Variants in LINGO2 observed in about 807,000 individuals in gnomAD.
LINGO2 encodes the protein leucine rich repeat and Ig domain containing 2.
In LINGO2, 14 loss-of-function variants were observed where a neutral mutation model predicts 30.6. That is an observed-to-expected ratio of 0.46 (90% confidence interval 0.30 to 0.72). The LOEUF is 0.72. Among genes scored for constraint, LINGO2 ranks in the 30% least tolerant of loss-of-function variants. The pLI is 0.07. For synonymous variants in LINGO2, 317 were observed against 288.5 expected, an observed-to-expected ratio of 1.10 and a Z score of -1.00; for missense variants, 729 against 751.7, an observed-to-expected ratio of 0.97 and a Z score of 0.35.
At chr9:28,561,791 C>A (rs1314289581) in intron 1 of LINGO2, among the ~76,000 whole-genome samples, 48 of 91,628 alleles carry the variant, frequency 5.2e-4, no homozygotes, top group South Asian at 2.0e-3. Context: ...AAAAAATATG[C>A]TACTAGAACT....
intron 1 of LINGO2, among the ~76,000 whole-genome samples, chr9:28,633,276 T>G (rs1214162136): frequency 1.3e-5 from 2 of 151,998 alleles, no homozygotes; most frequent in Non-Finnish European, 2.9e-5. Context: ...CTCAATTCAG[T>G]CAAGTTGACA....
At chr9:28,492,838 C>CAAA (rs1160144858) in intron 1 of LINGO2, among the ~76,000 whole-genome samples, 1 of 151,580 alleles carries the variant, frequency 6.6e-6, no homozygotes, top group East Asian at 2.0e-4. Context: ...AGAAAAACAA[C>CAAA]AACAACAACA....
At chr9:28,770,412 T>C in the LINGO2 span, among the ~76,000 whole-genome samples, 1 of 152,182 alleles carries the variant, frequency 6.6e-6, no homozygotes, top group Non-Finnish European at 1.5e-5. Flanking sequence ...CGCATAGGTC[T>C]TGTGGTTTCT....
At chr9:28,248,356 A>C (rs1159943808) in intron 4 of LINGO2, among the ~76,000 whole-genome samples, 1 of 152,204 alleles carries the variant, frequency 6.6e-6, no homozygotes, top group East Asian at 1.9e-4. Context: ...AGCCAGACAC[A>C]GAAAGAGAAA....
chr9:28,240,134 C>T (rs1821728993), intron 4 of LINGO2, among the ~76,000 whole-genome samples: 1 of 151,998 alleles, frequency 6.6e-6, no homozygotes, highest in South Asian at 2.1e-4. Context: ...GAAGAGGGCA[C>T]CCCAAAGTGG....
chr9:29,076,089 G>A, the LINGO2 span, among the ~76,000 whole-genome samples: 10 of 151,596 alleles, frequency 6.6e-5, no homozygotes, highest in African/African-American at 2.2e-4. Flanking sequence ...TGTTGCCCAG[G>A]ATGGTCTCAA....
intron 2 of LINGO2, among the ~76,000 whole-genome samples, chr9:28,400,126 T>C (rs1004782674): frequency 1.3e-5 from 2 of 152,192 alleles, no homozygotes; most frequent in Non-Finnish European, 2.9e-5. Context: ...AGAGTGACTC[T>C]ATTGTGACCC....
chr9:28,467,653 C>T (rs1042448276), intron 2 of LINGO2, among the ~76,000 whole-genome samples: 1 of 151,880 alleles, frequency 6.6e-6, no homozygotes, highest in Admixed American at 6.6e-5. Context: ...ATTTTTATTA[C>T]ATATTATTAT....
chr9:28,595,855 T>C (rs1033110277), intron 1 of LINGO2, among the ~76,000 whole-genome samples: 21 of 152,106 alleles, frequency 1.4e-4, no homozygotes, highest in African/African-American at 2.2e-4. Flanking sequence ...CAGATAATAA[T>C]AGCTGATGAT....
the LINGO2 span, among the ~76,000 whole-genome samples, chr9:29,184,319 A>T: frequency 0.05 from 7,574 of 152,210 alleles, 244 homozygotes; most frequent in Admixed American, 0.082. Context: ...AAAAAAAAAA[A>T]ACTTCATATT....
the LINGO2 span, among the ~76,000 whole-genome samples, chr9:29,121,226 C>T: frequency 5.9e-5 from 9 of 152,112 alleles, no homozygotes; most frequent in East Asian, 1.7e-3. Context: ...TACAGTAAGT[C>T]AAACTGTGTG....
chr9:28,870,654 T>A, the LINGO2 span, among the ~76,000 whole-genome samples: 1 of 152,094 alleles, frequency 6.6e-6, no homozygotes, highest in Non-Finnish European at 1.5e-5. Context: ...GAGAAAATAT[T>A]TGCAGCTTAT....
chr9:29,018,564 T>C, the LINGO2 span, among the ~76,000 whole-genome samples: 1 of 152,112 alleles, frequency 6.6e-6, no homozygotes, highest in Non-Finnish European at 1.5e-5. Context: ...CTCTAGAAAA[T>C]AGTCATTATC....
the LINGO2 span, among the ~76,000 whole-genome samples, chr9:29,066,440 G>T: frequency 6.6e-6 from 1 of 151,890 alleles, no homozygotes; most frequent in African/African-American, 2.4e-5. Flanking sequence ...TGCCAAGTGG[G>T]TTATATAAAG....
intron 1 of LINGO2, among the ~76,000 whole-genome samples, chr9:28,534,676 A>G (rs984214015): frequency 3.3e-5 from 5 of 152,168 alleles, no homozygotes; most frequent in African/African-American, 4.8e-5. Flanking sequence ...ATACTGAAAC[A>G]TTAGCAAACT....
chr9:29,156,484 C>T, the LINGO2 span, among the ~76,000 whole-genome samples: 2 of 151,958 alleles, frequency 1.3e-5, no homozygotes, highest in Non-Finnish European at 2.9e-5. Context: ...GGTTTCTTAC[C>T]TATTCCTAAA....
At chr9:28,223,365 A>G (rs544176397) in intron 4 of LINGO2, among the ~76,000 whole-genome samples, 1 of 152,294 alleles carries the variant, frequency 6.6e-6, no homozygotes, top group East Asian at 1.9e-4. Context: ...CATAAGGGCA[A>G]GAGAACCAAA....
chr9:28,529,554 A>G (rs1311008491), intron 1 of LINGO2, among the ~76,000 whole-genome samples: 1 of 152,046 alleles, frequency 6.6e-6, no homozygotes, highest in Non-Finnish European at 1.5e-5. Flanking sequence ...TTAAAGCCCT[A>G]ACTAAACTAT....
intron 1 of LINGO2, among the ~76,000 whole-genome samples, chr9:28,486,396 T>A (rs1373783067): frequency 6.6e-6 from 1 of 152,102 alleles, no homozygotes. Flanking sequence ...AAATACTAAG[T>A]AATTGAAGTC....
Sources: allele counts gnomAD v4.1 joint callset (sites outside exome capture counted in the v4.1 genomes callset), GRCh38; gene constraint gnomAD v4.1.1; transcripts MANE v1.5; gene names NCBI Gene and HGNC (gene_info 2026-07-23, HGNC 2026-07-21).